The following RANBP2 variants were observed in gnomAD, a reference collection of about 807,000 sequenced individuals.
The protein encoded by RANBP2 is RAN binding protein 2.
A neutral mutation model predicts 303.6 loss-of-function variants in RANBP2; 57 were observed. The observed-to-expected ratio is 0.19, with a 90% CI of 0.15 to 0.23. The LOEUF (loss-of-function observed/expected upper bound fraction) is 0.23. RANBP2 is among the 10% of genes least tolerant of loss of function. The probability of loss-of-function intolerance (pLI) is 1.00; values close to 1 mark genes in which losing one functional copy is unlikely to be tolerated. For missense variants in RANBP2, 3,138 were observed against 3,780.8 expected (o/e 0.83, Z 4.46); for synonymous variants, 1,167 against 1,301.5 (o/e 0.90, Z 2.23).
chr2:109,058,209 G>T, the RANBP2 span, among the ~76,000 whole-genome samples: 3 of 152,200 alleles, frequency 2.0e-5, no homozygotes, highest in African/African-American at 7.2e-5. Context: ...TTCTGCTCCA[G>T]CCCCTTCTCT....
the RANBP2 span, among the ~76,000 whole-genome samples, chr2:109,345,189 G>A: frequency 6.6e-6 from 1 of 152,184 alleles, no homozygotes; most frequent in Non-Finnish European, 1.5e-5. Flanking sequence ...AGCTTTACCT[G>A]CCACACTACC....
chr2:109,395,928 A>G, the RANBP2 span, among the ~76,000 whole-genome samples: 10 of 152,242 alleles, frequency 6.6e-5, no homozygotes, highest in African/African-American at 2.4e-4. Flanking sequence ...AGGAGGACTA[A>G]GTGAAACACT....
chr2:109,260,558 T>A, the RANBP2 span, among the ~76,000 whole-genome samples: 1 of 152,206 alleles, frequency 6.6e-6, no homozygotes, highest in Non-Finnish European at 1.5e-5. Flanking sequence ...GACACCTTGG[T>A]CATAGGCAAG....
chr2:108,947,828 T>C, the RANBP2 span, among the ~76,000 whole-genome samples: 1 of 152,330 alleles, frequency 6.6e-6, no homozygotes. Flanking sequence ...AGACATTTCC[T>C]CCACTGTCTT....
At chr2:108,773,075 C>T (rs973151933) in intron 23 of RANBP2, 29 bp downstream of exon 23, 25 of 1,586,120 alleles carry the variant, frequency 1.6e-5, no homozygotes, top group Non-Finnish European at 2.1e-5. Context: ...AATTTTCCTT[C>T]TAGTTCCATT....
At chr2:109,121,479 T>G in the RANBP2 span, among the ~76,000 whole-genome samples, 2 of 152,322 alleles carry the variant, frequency 1.3e-5, no homozygotes, top group African/African-American at 4.8e-5. Flanking sequence ...GTGCACAGCA[T>G]CTGTTTCTCA....
the RANBP2 span, chr2:108,907,889 T>A: frequency 6.2e-7 from 1 of 1,613,504 alleles, no homozygotes; most frequent in South Asian, 1.1e-5. Flanking sequence ...GTGGCAGACT[T>A]CTCCCTGGCC....
the RANBP2 span, chr2:109,794,608 C>CCT: frequency 5.4e-6 from 1 of 186,098 alleles, no homozygotes. Context: ...GCGGCGGCGG[C>CCT]GGGGGGGGCG....
At chr2:109,278,862 C>T in the RANBP2 span, among the ~76,000 whole-genome samples, 51 of 152,248 alleles carry the variant, frequency 3.3e-4, no homozygotes, top group African/African-American at 1.2e-3. Context: ...AGTGTGGGGA[C>T]GTGCACTCTG....
chr2:108,927,735 A>G, the RANBP2 span, among the ~76,000 whole-genome samples: 95,356 of 151,908 alleles, frequency 0.63, 33,419 homozygotes, highest in Middle Eastern at 0.81. Context: ...TCTCTGGGTT[A>G]GCTATCTAGG....
the RANBP2 span, among the ~76,000 whole-genome samples, chr2:108,943,152 G>A: frequency 2.0e-5 from 3 of 152,136 alleles, no homozygotes; most frequent in African/African-American, 7.2e-5. Flanking sequence ...TCAGGGTCTT[G>A]TTCTACCGGT....
At chr2:108,941,615 C>T in the RANBP2 span, among the ~76,000 whole-genome samples, 4 of 152,196 alleles carry the variant, frequency 2.6e-5, no homozygotes, top group African/African-American at 9.6e-5. Context: ...AGAAGAAAAA[C>T]GATCTCCTTG....
chr2:108,923,890 T>C, the RANBP2 span, among the ~76,000 whole-genome samples: 1 of 152,226 alleles, frequency 6.6e-6, no homozygotes, highest in Non-Finnish European at 1.5e-5. Context: ...AGTGGGATTA[T>C]AGGCATCAGT....
chr2:109,234,300 T>C, the RANBP2 span, among the ~76,000 whole-genome samples: 1,119 of 152,350 alleles, frequency 7.3e-3, 8 homozygotes, highest in South Asian at 0.023. Context: ...ACAGTTCATA[T>C]AGGAAAACTT....
the RANBP2 span, among the ~76,000 whole-genome samples, chr2:109,560,379 C>T: frequency 7.9e-5 from 12 of 152,156 alleles, no homozygotes; most frequent in African/African-American, 2.7e-4. Flanking sequence ...AGTTCCAAGA[C>T]GTGACACTGC....
At chr2:109,674,240 C>A in the RANBP2 span, among the ~76,000 whole-genome samples, 757 of 143,754 alleles carry the variant, frequency 5.3e-3, 9 homozygotes, top group Non-Finnish European at 4.2e-3. Context: ...AATTTAACAA[C>A]CCCCCCCCAA....
At chr2:109,117,183 A>G in the RANBP2 span, among the ~76,000 whole-genome samples, 2 of 152,216 alleles carry the variant, frequency 1.3e-5, no homozygotes, top group Admixed American at 1.3e-4. Context: ...AGGGACATTT[A>G]AGTCTGCAGA....
At chr2:109,314,483 A>G in the RANBP2 span, among the ~76,000 whole-genome samples, 47,458 of 152,062 alleles carry the variant, frequency 0.31, 9,189 homozygotes, top group African/African-American at 0.55. Context: ...CTGAAACGGC[A>G]TGACCTTTGA....
chr2:108,748,483 A>G (rs1675566266), intron 8 of RANBP2, among the ~76,000 whole-genome samples: 2 of 151,656 alleles, frequency 1.3e-5, no homozygotes, highest in African/African-American at 4.9e-5. Flanking sequence ...GGCCTCCCAA[A>G]GTGCTGGGAT....
Sources: gnomAD v4.1 joint callset for allele counts (sites outside exome capture counted in the v4.1 genomes callset) on GRCh38, gnomAD v4.1.1 for gene constraint, MANE v1.5 for transcripts, NCBI Gene and HGNC (gene_info 2026-07-23, HGNC 2026-07-21) for gene names.